KY: variants seen among roughly 807,000 people sequenced by gnomAD.
The protein encoded by KY is kyphoscoliosis peptidase.
In KY, 43 loss-of-function variants were observed where a neutral mutation model predicts 76.1. The ratio of observed to expected loss-of-function variants is 0.57; its 90% CI spans 0.44 to 0.73. The LOEUF (loss-of-function observed/expected upper bound fraction) is 0.73. Ranked by LOEUF, KY falls within the 30% of genes least tolerant of loss-of-function variation. KY has a pLI of 0.00. For synonymous variants in KY, 277 were observed against 326.2 expected (o/e 0.85, Z 1.63); for missense variants, 722 against 828.9 (o/e 0.87, Z 1.58).
In KY at chr3:134,601,098, C is replaced by T. The variant is rs1169125202; in HGVS notation, c.*2481G>A. The T allele has an allele frequency of 6.6e-6, 1 of 152,200 alleles. No homozygotes were observed. The highest frequency in any genetic ancestry group is 2.4e-5 in the African/African-American group (1 of 41,460). The allele number at this position is 152,200 out of a possible 1,614,324, so 9.4% of individuals were successfully genotyped here. Reference sequence around the variant, plus strand: ...AGATGGGGATTTAAAGAAAAGCCTTCAAAATGCAACTCCGAATGTCTACCC... The same window carrying T: ...AGATGGGGATTTAAAGAAAAGCCTTTAAAATGCAACTCCGAATGTCTACCC... On this transcript the variant is annotated 3_prime_UTR_variant, in exon 11 of 11. Transcript: ENST00000423778.
At chr3:134,607,699 C>T (rs1959459304) in intron 10 of KY, 3 of 985,812 alleles carry the variant, frequency 3.0e-6, no homozygotes, top group Non-Finnish European at 3.6e-6. Context: ...CCGTATGCCT[C>T]AGAGTGTGCA....
chr3:134,650,918 G>A lies in KY; in HGVS notation c.43C>T (p.Leu15=). ...KDINAVSIDM[L]LIVHSEKRRA... is the part of the protein sequence containing the mutation. ...CGCTTCTCCGAGTGCACGATCAGCAGCATGTCGATAGATACAGCGTTGATG... is the reference window on the plus strand; with the variant it reads ...CGCTTCTCCGAGTGCACGATCAGCAACATGTCGATAGATACAGCGTTGATG... Residue 15 remains leucine (L), a synonymous_variant, in exon 1 of 11, where the codon CTG becomes TTG. Transcript: ENST00000423778. The A allele has an allele frequency of 6.2e-7, 1 of 1,613,330 alleles. No individual in the cohort carries two copies. The highest frequency in any genetic ancestry group is 1.7e-5 in the Admixed American group (1 of 60,002).
intron 10 of KY, chr3:134,607,674 C>A: frequency 1.0e-6 from 1 of 985,750 alleles, no homozygotes. Context: ...CAGTTCTGGC[C>A]CTCCAGGGCA....
At chr3:134,607,417 C>G in intron 10 of KY, 1 of 985,606 alleles carries the variant, frequency 1.0e-6, no homozygotes, top group Non-Finnish European at 1.2e-6. Flanking sequence ...GGCTCTGGGC[C>G]CACCCACAGG....
In KY at chr3:134,619,202, C is replaced by T. The variant is rs775215301; in HGVS notation, c.656G>A (p.Arg219Gln). 21 of 1,613,770 alleles carry T rather than the reference C, an allele frequency of 1.3e-5. No homozygotes were observed. The East Asian group carries it at 1.6e-4, about 12-fold the overall frequency. ...GCCATCACAGTTGGTCTTCTGGGTCCGCAGGATGTCAGTGGGTTTGAAGGC... is the reference window on the plus strand; with the variant it reads ...GCCATCACAGTTGGTCTTCTGGGTCTGCAGGATGTCAGTGGGTTTGAAGGC... ...RQAFKPTDIL[R>Q]TQKTNCDGYA... is the part of the protein sequence containing the mutation. The change falls in exon 8 of 11, where the codon CGG (arginine) becomes CAG (glutamine). Residue 219 changes from arginine to glutamine, a missense_variant. Physicochemically the swap from Arg to Gln is conservative, Grantham distance 43. Transcript: ENST00000423778.
In KY at chr3:134,602,978, A is replaced by C. The variant is rs1028359749; in HGVS notation, c.*601T>G. Among the ~76,000 whole-genome samples the C allele has an allele frequency of 2.6e-5, 4 of 152,224 alleles. No individual in the cohort carries two copies. The highest frequency in any genetic ancestry group is 2.0e-4 in the Admixed American group (3 of 15,298). On this transcript the variant is annotated 3_prime_UTR_variant, in exon 11 of 11. Transcript: ENST00000423778. ...TTGTGGGTCAGCTGGCTTCCTCACC[A>C]CACCCTTTTTCTTGGGCTCTTGAAG... is the stretch of plus-strand genomic sequence containing the variant.
intron 1 of KY, among the ~76,000 whole-genome samples, chr3:134,650,022 C>T (rs1003491283): frequency 5.3e-5 from 8 of 152,312 alleles, no homozygotes; most frequent in Admixed American, 4.6e-4. Context: ...CATCCAGGAC[C>T]CTGAGGTTCT....
intron 4 of KY, 129 bp downstream of exon 4, chr3:134,629,492 T>A (rs1963933131): frequency 1.5e-6 from 1 of 671,710 alleles, no homozygotes; most frequent in Non-Finnish European, 2.7e-6. Flanking sequence ...CTTCTGCCTT[T>A]TCCCAGTTTG....
chr3:134,636,208 G>C lies in KY; in HGVS notation c.263-6513C>G, dbSNP rs1964940573. Among the ~76,000 whole-genome samples the C allele has an allele frequency of 2.0e-5, 3 of 152,070 alleles. No individual in the cohort carries two copies. In the South Asian group the frequency reaches 6.2e-4, roughly 32 times the overall value. On this transcript the variant is annotated intron_variant, in intron 3 of 10. Coordinates refer to ENST00000423778, the MANE Select transcript of KY (RefSeq NM_178554.6). ...ATTTTAAAGGCTTTTGTTAGATATT[G>C]GCAAAATTTTCTTATGAATGATTTT...
chr3:134,624,415 G>T (rs1963139506), intron 6 of KY, among the ~76,000 whole-genome samples: 1 of 152,130 alleles, frequency 6.6e-6, no homozygotes, highest in East Asian at 1.9e-4. Flanking sequence ...GTACCTATAA[G>T]GTGGCCTTTT....
chr3:134,620,865 G>C lies in KY; in HGVS notation c.484-8C>G. 6.3e-7 allele frequency: 1 copy of C among 1,586,968 alleles called. No homozygotes were observed. Among genetic ancestry groups the C allele is most frequent in the Non-Finnish European group, 8.6e-7 (1 of 1,158,332 alleles). ...GCCACTCTTGGCTGTCACCTGGGGA[G>C]CAGGAAGGGTGTGCTGTATTAGGGC... On this transcript the variant is annotated splice_polypyrimidine_tract_variant and splice_region_variant and intron_variant, in intron 6 of 10. Coordinates refer to ENST00000423778, the MANE Select transcript of KY (RefSeq NM_178554.6).
At chr3:134,628,036 T>A in intron 4 of KY, 1 of 593,904 alleles carries the variant, frequency 1.7e-6, no homozygotes, top group South Asian at 2.1e-5. Context: ...AGGAAGTGGC[T>A]GACAAGAAAG....
chr3:134,644,239 A>T (rs1054637056), intron 2 of KY, among the ~76,000 whole-genome samples: 7 of 152,198 alleles, frequency 4.6e-5, no homozygotes, highest in Non-Finnish European at 7.3e-5. Context: ...CAGGGCATGC[A>T]CGCTACACAC....
chr3:134,610,113 C>A, intron 9 of KY, 82 bp downstream of exon 9: 1 of 1,466,898 alleles, frequency 6.8e-7, no homozygotes, highest in Non-Finnish European at 9.3e-7. Flanking sequence ...GCTTGGTCTT[C>A]TCCACCTGCT....
At chr3:134,619,750 GC>G (rs753749892) in intron 7 of KY, among the ~76,000 whole-genome samples, 2 of 152,234 alleles carry the variant, frequency 1.3e-5, no homozygotes, top group Non-Finnish European at 2.9e-5. Flanking sequence ...CTGTGGTGAG[GC>G]CCTAAGGCAG....
Position 134,603,615 on chromosome 3 carries a change from G to A in KY, c.1950C>T (p.Tyr650=), listed in dbSNP as rs1196476387. 1.9e-6 allele frequency: 3 copies of A among 1,600,348 alleles called. No homozygotes were observed. Among genetic ancestry groups the A allele is most frequent in the Middle Eastern group, 1.7e-4 (1 of 6,002 alleles). The change falls in exon 11 of 11, where the codon TAC becomes TAT. Residue 650 remains tyrosine, a synonymous_variant. Coordinates refer to ENST00000423778, the MANE Select transcript of KY (RefSeq NM_178554.6). The part of the protein sequence containing the change: ...MVLENANHNF[Y]SYILKYKVNA... ...TCACTTTGTATTTCAGGATGTAGGA[G>A]TAGAAATTGTGGTTGGCATTCTCCA...
intron 3 of KY, among the ~76,000 whole-genome samples, chr3:134,633,938 C>T (rs746109857): frequency 1.3e-5 from 2 of 152,096 alleles, no homozygotes; most frequent in Non-Finnish European, 1.5e-5. Context: ...ATACAAACAT[C>T]GATTGTATTT....
chr3:134,609,427 C>A (rs565908882), intron 9 of KY, among the ~76,000 whole-genome samples: 1 of 152,144 alleles, frequency 6.6e-6, no homozygotes, highest in African/African-American at 2.4e-5. Context: ...TCTGTGAGTA[C>A]GCGAGCCCTG....
chr3:134,607,718 C>T (rs1231899466), intron 10 of KY: 1 of 985,752 alleles, frequency 1.0e-6, no homozygotes. Context: ...CAAACATACT[C>T]AGCTGCCATG....
Sources: gnomAD v4.1 joint callset for allele counts (sites outside exome capture counted in the v4.1 genomes callset) on GRCh38, gnomAD v4.1.1 for gene constraint, MANE v1.5 for transcripts, NCBI Gene and HGNC (gene_info 2026-07-23, HGNC 2026-07-21) for gene names.